The following SYT16 variants were observed in gnomAD, a reference collection of about 807,000 sequenced individuals.
SYT16 encodes the protein synaptotagmin-16.
Under a neutral mutation model 61.4 loss-of-function variants are expected in SYT16, and 42 were observed. The ratio of observed to expected loss-of-function variants is 0.68; its 90% CI spans 0.53 to 0.89. SYT16 has a LOEUF of 0.89. Among genes scored for constraint, SYT16 ranks in the 40% least tolerant of loss-of-function variants. The pLI is 0.00. For missense variants in SYT16, 804 were observed against 807.3 expected (o/e 1.00, Z 0.05); for synonymous variants, 314 against 302.3 (o/e 1.04, Z -0.40).
intron 1 of SYT16, among the ~76,000 whole-genome samples, chr14:61,862,848 G>A (rs1208010450): frequency 6.6e-6 from 1 of 152,234 alleles, no homozygotes; most frequent in Middle Eastern, 3.4e-3. Context: ...TTTCCATAAT[G>A]TCATATGGTT....
chr14:62,079,360 A>G, intron 5 of SYT16: 1 of 1,220,624 alleles, frequency 8.2e-7, no homozygotes, highest in Middle Eastern at 2.3e-4. Context: ...ATCTTAAAAG[A>G]AAAGGATATT....
chr14:62,055,928 G>A (rs920998912), intron 3 of SYT16, among the ~76,000 whole-genome samples: 3 of 152,124 alleles, frequency 2.0e-5, no homozygotes, highest in Non-Finnish European at 4.4e-5. Flanking sequence ...GTCTGTGGTC[G>A]AAAGTCCAAG....
chr14:62,089,455 A>T lies in SYT16; in HGVS notation c.1624+5070A>T, dbSNP rs186336819. ...TTTCGAACTTCATTTCTATGTATCT[A>T]TCTGTCTATCAATCATCTTTTGGTG... On this transcript the variant is annotated intron_variant, in intron 7 of 7. Transcript: ENST00000683842. 1.4e-4 allele frequency among the ~76,000 whole-genome samples: 21 copies of T among 152,236 alleles called. No individual in the cohort carries two copies. The East Asian group carries it at 1.5e-3, about 11-fold the overall frequency.
chr14:62,093,462 A>T (rs1414554031), intron 7 of SYT16, among the ~76,000 whole-genome samples: 1 of 151,996 alleles, frequency 6.6e-6, no homozygotes, highest in Non-Finnish European at 1.5e-5. Context: ...TCTTTTTCCC[A>T]GTCCCTGCCT....
Position 61,893,505 on chromosome 14 carries a change from G to A in SYT16, c.-324-76627G>A, listed in dbSNP as rs2048212226. ...ACCTGGAGCAAATTAACCTCATCAA[G>A]CCTTTGTTTCCTCCTCTCATATACT... On this transcript the variant is annotated intron_variant, in intron 1 of 7. Coordinates refer to ENST00000683842, the MANE Select transcript of SYT16 (RefSeq NM_001367656.1). Among the ~76,000 whole-genome samples the A allele has an allele frequency of 1.3e-5, 2 of 152,140 alleles. 1 individual carries two copies. The highest frequency in any genetic ancestry group is 4.1e-4 in the South Asian group (2 of 4,826).
chr14:61,922,359 G>T (rs1421254422), intron 1 of SYT16, among the ~76,000 whole-genome samples: 1 of 152,210 alleles, frequency 6.6e-6, no homozygotes, highest in Non-Finnish European at 1.5e-5. Flanking sequence ...GCCATAAAAA[G>T]AATGAGATCA....
In SYT16 at chr14:62,039,878, CGCACAT is replaced by C. The variant is rs1272753135; in HGVS notation, c.524-29724_524-29719del. ...ACACACACACACACACACACACACA[CGCACAT>C]ACACACTAGATTTTACTGACTCACA... On this transcript the variant is annotated intron_variant, in intron 3 of 7. Transcript: ENST00000683842. Among the ~76,000 whole-genome samples the C allele has an allele frequency of 3.4e-4, 23 of 68,006 alleles. 1 individual carries two copies. The highest frequency in any genetic ancestry group is 2.5e-3 in the South Asian group (4 of 1,586). The allele number at this position is 68,006 out of a possible 152,430, so 44.6% of individuals were successfully genotyped here. A position where few individuals can be genotyped will look rare whatever the true frequency, so the allele number is the denominator to read the frequency against.
intron 3 of SYT16, among the ~76,000 whole-genome samples, chr14:62,022,562 A>G (rs541064094): frequency 6.6e-6 from 1 of 151,694 alleles, no homozygotes; most frequent in Non-Finnish European, 1.5e-5. Flanking sequence ...TTTGGCCCCT[A>G]TTTCTTCAGA....
intron 1 of SYT16, among the ~76,000 whole-genome samples, chr14:61,857,911 G>A (rs1160425632): frequency 6.6e-6 from 1 of 151,582 alleles, no homozygotes; most frequent in Non-Finnish European, 1.5e-5. Context: ...ATTTTGACAG[G>A]GGGAAAAAAC....
At chr14:62,087,983 A>G (rs76971619) in intron 7 of SYT16, among the ~76,000 whole-genome samples, 2 of 152,320 alleles carry the variant, frequency 1.3e-5, no homozygotes, top group East Asian at 3.9e-4. Flanking sequence ...TGCACCAAGT[A>G]TTGGTGAGGA....
intron 6 of SYT16, among the ~76,000 whole-genome samples, chr14:62,082,428 C>A (rs1257987077): frequency 2.6e-5 from 4 of 152,304 alleles, no homozygotes; most frequent in African/African-American, 9.6e-5. Context: ...GGTCAAAAAT[C>A]TCAGAAGTCA....
intron 3 of SYT16, among the ~76,000 whole-genome samples, chr14:62,055,269 C>T (rs189556264): frequency 6.6e-6 from 1 of 152,218 alleles, no homozygotes; most frequent in South Asian, 2.1e-4. Flanking sequence ...TCAAGCAATT[C>T]CCTTATAGGA....
At chr14:61,966,482 ATAAT>A (rs1450320684) in intron 1 of SYT16, among the ~76,000 whole-genome samples, 1 of 152,114 alleles carries the variant, frequency 6.6e-6, no homozygotes, top group East Asian at 1.9e-4. Context: ...TTATTTAAAA[ATAAT>A]TAAAACTTTT....
intron 1 of SYT16, among the ~76,000 whole-genome samples, chr14:61,882,116 A>G (rs577133733): frequency 6.6e-6 from 1 of 152,314 alleles, no homozygotes; most frequent in South Asian, 2.1e-4. Context: ...CATAGCAGCC[A>G]AAGTGATCCT....
At chr14:62,011,704 C>A (rs2140706660) in intron 3 of SYT16, among the ~76,000 whole-genome samples, 1 of 152,086 alleles carries the variant, frequency 6.6e-6, no homozygotes, top group Non-Finnish European at 1.5e-5. Context: ...CAATGCCATT[C>A]ATAGACCTCT....
chr14:61,915,854 G>T (rs2049102137), intron 1 of SYT16, among the ~76,000 whole-genome samples: 1 of 152,192 alleles, frequency 6.6e-6, no homozygotes, highest in African/African-American at 2.4e-5. Context: ...TTAAAGCATG[G>T]ATTATTAATC....
intron 3 of SYT16, among the ~76,000 whole-genome samples, chr14:62,005,203 C>T (rs2053173145): frequency 6.6e-6 from 1 of 152,106 alleles, no homozygotes; most frequent in Non-Finnish European, 1.5e-5. Flanking sequence ...TGCTGTTTGG[C>T]TGGAGTAGAG....
At chr14:61,826,864 T>A (rs2045787531) in intron 1 of SYT16, among the ~76,000 whole-genome samples, 2 of 151,972 alleles carry the variant, frequency 1.3e-5, no homozygotes, top group South Asian at 4.1e-4. Context: ...ACACAACTTA[T>A]AAATACCCCA....
intron 2 of SYT16, among the ~76,000 whole-genome samples, chr14:61,992,153 A>C (rs1336068451): frequency 6.6e-6 from 1 of 152,152 alleles, no homozygotes; most frequent in East Asian, 1.9e-4. Flanking sequence ...AAACACTCTG[A>C]GGCCACACCT....
Sources: gnomAD v4.1 joint callset for allele counts (sites outside exome capture counted in the v4.1 genomes callset) on GRCh38, gnomAD v4.1.1 for gene constraint, MANE v1.5 for transcripts, NCBI Gene and HGNC (gene_info 2026-07-23, HGNC 2026-07-21) for gene names.